Variants in TTC34 observed in about 807,000 individuals in gnomAD.
The protein encoded by TTC34 is tetratricopeptide repeat domain 34, also known as tetratricopeptide repeat protein 34.
A neutral mutation model predicts 40.7 loss-of-function variants in TTC34; 44 were observed. The ratio of observed to expected loss-of-function variants is 1.08; its 90% CI spans 0.85 to 1.39. The LOEUF (loss-of-function observed/expected upper bound fraction) is 1.39, where lower values mean the gene tolerates loss of function less well. Among genes scored for constraint, TTC34 ranks in the 40% most tolerant of loss-of-function variants. The pLI, the probability that TTC34 is intolerant of heterozygous loss-of-function variation, is 0.00. For synonymous variants in TTC34, 422 were observed against 398.6 expected (o/e 1.06, Z -0.70); for missense variants, 884 against 838.0 (o/e 1.05, Z -0.68).
At chr1:2,755,732 C>T (rs1641481903) in intron 6 of TTC34, among the ~76,000 whole-genome samples, 2 of 68,916 alleles carry the variant, frequency 2.9e-5, no homozygotes, top group Non-Finnish European at 5.7e-5. Flanking sequence ...CAGCCTGGAG[C>T]AGCACCCACA....
exon 9 of TTC34, chr1:2,641,143 A>C (rs1287539458): frequency 7.1e-5 from 14 of 196,746 alleles, no homozygotes; most frequent in Middle Eastern, 1.3e-3. Flanking sequence ...AGGGCTGGGA[A>C]GGGGTGTGTG....
At chr1:2,772,889 A>G (rs1402857209) in intron 6 of TTC34, among the ~76,000 whole-genome samples, 1 of 74,968 alleles carries the variant, frequency 1.3e-5, no homozygotes, top group African/African-American at 4.3e-5. Flanking sequence ...CTGGAGCAGA[A>G]CCCCACACCC....
At position 2,752,165 on chromosome 1, in the gene TTC34, C is replaced by A. The variant is rs1366126379; in HGVS notation, c.2226+31444G>T. On this transcript the variant is annotated intron_variant, in intron 6 of 8. Transcript: ENST00000401095. ...GCATGTGATGGTCTGGAGCAGCACC[C>A]ACACCAACAGGTGAGCATCTGACAG... Among the ~76,000 whole-genome samples the A allele has an allele frequency of 1.7e-5, 2 of 118,730 alleles. 1 individual carries two copies. Among genetic ancestry groups the A allele is most frequent in the African/African-American group, 7.6e-5 (2 of 26,442 alleles). 77.9% of individuals were successfully genotyped at this position (118,730 alleles called of 152,430 possible).
chr1:2,652,492 C>G (rs796194169), intron 6 of TTC34, among the ~76,000 whole-genome samples: 35 of 22,440 alleles, frequency 1.6e-3, no homozygotes, highest in Admixed American at 5.6e-3. Flanking sequence ...CACCCCCAGG[C>G]GAGCATCTGA....
At chr1:2,677,081 C>G (rs1639933040) in intron 6 of TTC34, among the ~76,000 whole-genome samples, 1 of 65,368 alleles carries the variant, frequency 1.5e-5, no homozygotes, top group African/African-American at 4.4e-5. Context: ...TCTGGAGCAG[C>G]ACCCACAACC....
At chr1:2,692,175 GCA>G in intron 6 of TTC34, among the ~76,000 whole-genome samples, 1 of 64,180 alleles carries the variant, frequency 1.6e-5, no homozygotes, top group African/African-American at 5.1e-5. Context: ...GCCTGGAACA[GCA>G]CACACACCGC....
chr1:2,750,970 C>A (rs1442043754), intron 6 of TTC34, among the ~76,000 whole-genome samples: 3 of 112,520 alleles, frequency 2.7e-5, no homozygotes, highest in South Asian at 3.2e-4. Context: ...CCCACACCCC[C>A]AGGTGCGCAT....
intron 6 of TTC34, among the ~76,000 whole-genome samples, chr1:2,682,926 T>A (rs1570802787): frequency 3.3e-5 from 5 of 151,412 alleles, no homozygotes; most frequent in East Asian, 1.9e-4. Context: ...GGTGAGCATC[T>A]GACAGCCTGG....
chr1:2,748,566 T>TCTAACAACCTGGAACAGCACAG (rs1641220689), intron 6 of TTC34, among the ~76,000 whole-genome samples: 1 of 46,516 alleles, frequency 2.1e-5, no homozygotes, highest in African/African-American at 1.2e-4. Flanking sequence ...CACACCACCA[T>TCTAACAACCTGGAACAGCACAG]GCGAGCATCT....
At chr1:2,757,701 G>C (rs1362244018) in intron 6 of TTC34, among the ~76,000 whole-genome samples, 1 of 144,454 alleles carries the variant, frequency 6.9e-6, no homozygotes, top group Non-Finnish European at 1.5e-5. Context: ...TCGTGGAGCA[G>C]CACCCCACAC....
At position 2,641,931 on chromosome 1, in the gene TTC34, G is replaced by A. The variant is rs1357308512; in HGVS notation, c.2713-36C>T. Reference sequence around the variant, plus strand: ...GACACAGAGAGAGGCAGGGAGAGTGGGGTCAGCCCCAAAAGCCCGGCCGCC... The same window carrying A: ...GACACAGAGAGAGGCAGGGAGAGTGAGGTCAGCCCCAAAAGCCCGGCCGCC... On this transcript the variant is annotated intron_variant, in intron 8 of 8. Coordinates refer to ENST00000401095, the Ensembl canonical transcript of TTC34. 5.6e-6 allele frequency: 8 copies of A among 1,437,798 alleles called. No individual in the cohort carries two copies. The South Asian group carries it at 8.7e-5, about 16-fold the overall frequency. 89.1% of individuals were successfully genotyped at this position (1,437,798 alleles called of 1,614,324 possible).
chr1:2,789,735 C>T (rs1271242426), exon 3 of TTC34: 1 of 831,140 alleles, frequency 1.2e-6, no homozygotes, highest in African/African-American at 1.8e-5. Context: ...GCGCTGCCCG[C>T]CAGCACCCGC....
intron 6 of TTC34, among the ~76,000 whole-genome samples, chr1:2,767,711 A>G (rs1641814631): frequency 7.4e-6 from 1 of 135,166 alleles, no homozygotes; most frequent in Non-Finnish European, 1.6e-5. Context: ...GACTACCTGG[A>G]ACAGAACCCC....
At chr1:2,775,632 C>G (rs1470122902) in intron 6 of TTC34, 1 of 149,116 alleles carries the variant, frequency 6.7e-6, no homozygotes, top group Non-Finnish European at 1.5e-5. Flanking sequence ...CACATCCCCT[C>G]AGGTGAGCAT....
chr1:2,793,461 C>A (rs534691263), intron 2 of TTC34, among the ~76,000 whole-genome samples: 2 of 152,008 alleles, frequency 1.3e-5, no homozygotes, highest in East Asian at 3.9e-4. Flanking sequence ...TAGTTATGGG[C>A]AAAATAGAAG....
At chr1:2,673,477 C>A (rs1373380454) in intron 6 of TTC34, among the ~76,000 whole-genome samples, 7 of 78,360 alleles carry the variant, frequency 8.9e-5, no homozygotes, top group Non-Finnish European at 1.5e-4. Flanking sequence ...AACCCACACG[C>A]CCAGGTGAGC....
intron 6 of TTC34, among the ~76,000 whole-genome samples, chr1:2,751,746 C>G (rs1209409400): frequency 3.4e-5 from 5 of 147,942 alleles, no homozygotes; most frequent in South Asian, 2.2e-4. Context: ...GAGCATCTGA[C>G]ATCGTAGAGC....
At chr1:2,750,617 C>A (rs1641286266) in intron 6 of TTC34, among the ~76,000 whole-genome samples, 1 of 152,090 alleles carries the variant, frequency 6.6e-6, no homozygotes, top group African/African-American at 2.4e-5. Context: ...CACAGGTGAG[C>A]ATCTGACAGC....
At chr1:2,691,036 T>C (rs1334368112) in intron 6 of TTC34, among the ~76,000 whole-genome samples, 2 of 82,390 alleles carry the variant, frequency 2.4e-5, no homozygotes, top group African/African-American at 3.9e-5. Flanking sequence ...GGCGAGCATC[T>C]GACAGCCTCG....
Sources: gnomAD v4.1 joint callset for allele counts (sites outside exome capture counted in the v4.1 genomes callset) on GRCh38, gnomAD v4.1.1 for gene constraint, MANE v1.5 for transcripts, NCBI Gene and HGNC (gene_info 2026-07-23, HGNC 2026-07-21) for gene names.